The following TSC2 variants were observed in gnomAD, a reference collection of about 807,000 sequenced individuals.
TSC2 encodes the protein TSC complex subunit 2, also known as tuberin.
In TSC2, 29 loss-of-function variants were observed where a neutral mutation model predicts 202.2. That is an observed-to-expected ratio of 0.14 (90% CI 0.11 to 0.20). TSC2 has a LOEUF of 0.20. TSC2 is among the 10% of genes least tolerant of loss of function. The probability of loss-of-function intolerance (pLI) is 1.00; values close to 1 mark genes in which losing one functional copy is unlikely to be tolerated. For synonymous variants in TSC2, 1,349 were observed against 1,044.0 expected, an observed-to-expected ratio of 1.29 and a Z score of -5.63; for missense variants, 2,429 against 2,420.0, an observed-to-expected ratio of 1.00 and a Z score of -0.08.
rs45517356 is a variant in TSC2, at chr16:2,085,338, C to T, written c.4662+16C>T. 1.6e-5 allele frequency: 25 copies of T among 1,612,306 alleles called. No individual in the cohort carries two copies. The highest frequency in any genetic ancestry group is 2.7e-5 in the African/African-American group (2 of 75,042). ...AGAAGGCCAGGTGAGGCTGCGGGGC[C>T]GGCCTAGGTGCCTGGACAGGGCCAG... On this transcript the variant is annotated intron_variant, in intron 36 of 41. Transcript: ENST00000219476.
intron 16 of TSC2, 47 bp from the exon 17 acceptor site, chr16:2,070,409 G>A (rs774752994): frequency 6.2e-7 from 1 of 1,613,106 alleles, no homozygotes; most frequent in East Asian, 2.2e-5. Context: ...TCTTAGGACT[G>A]CGTTTTCACC....
At chr16:2,085,822 G>A (rs1226526969) in intron 36 of TSC2, among the ~76,000 whole-genome samples, 1 of 152,054 alleles carries the variant, frequency 6.6e-6, no homozygotes, top group Non-Finnish European at 1.5e-5. Flanking sequence ...TGAGCAGAGG[G>A]CACATGGCCT....
chr16:2,086,041 G>A (rs1416153870), intron 36 of TSC2, 152 bp from the exon 37 acceptor site: 5 of 891,472 alleles, frequency 5.6e-6, no homozygotes, highest in East Asian at 2.7e-5. Context: ...GACACCCGAT[G>A]TCTGGCCTGG....
chr16:2,062,959 T>C lies in TSC2; in HGVS notation c.1362-13T>C, dbSNP rs2151170217. The C allele has an allele frequency of 6.5e-7, 1 of 1,549,232 alleles. No homozygotes were observed. The highest frequency in any genetic ancestry group is 1.2e-5 in the South Asian group (1 of 84,008). The stretch of plus-strand genomic sequence containing the variant: ...GCACTCCCCACCCGCCCCAGCAGGC[T>C]GCCGTCCCGCAGGAGCGAGTCCCGA... On this transcript the variant is annotated splice_polypyrimidine_tract_variant and intron_variant, in intron 13 of 41. Transcript: ENST00000219476.
At chr16:2,081,979 C>A in intron 31 of TSC2, 181 bp downstream of exon 31, 1 of 886,374 alleles carries the variant, frequency 1.1e-6, no homozygotes, top group Non-Finnish European at 1.8e-6. Context: ...GGTGTCTGCC[C>A]TGCTCAGGAA....
chr16:2,084,329 G>A lies in TSC2; in HGVS notation c.4107G>A (p.Arg1369=), dbSNP rs201688447. ...IERVVSSEGG[R]PSVDLSFQPS... The stretch of plus-strand genomic sequence containing the variant: ...GAGTCGTCTCCTCGGAGGGTGGCCG[G>A]CCCTCTGTGGACCTCTCCTTCCAGC... The change falls in exon 34 of 42, where the codon CGG becomes CGA. Residue 1369 remains arginine, a synonymous_variant. Coordinates refer to ENST00000219476, the MANE Select transcript of TSC2 (RefSeq NM_000548.5). 2.6e-5 allele frequency: 42 copies of A among 1,612,694 alleles called. No individual in the cohort carries two copies. The highest frequency in any genetic ancestry group is 1.6e-4 in the Middle Eastern group (1 of 6,062).
chr16:2,078,854 TG>T, intron 26 of TSC2, 177 bp from the exon 27 acceptor site: 1 of 765,128 alleles, frequency 1.3e-6, no homozygotes, highest in Non-Finnish European at 2.2e-6. Context: ...CCCCGTTCTC[TG>T]GGACAATGTG....
At chr16:2,071,285 G>A (rs907341730) in intron 17 of TSC2, 6 of 610,990 alleles carry the variant, frequency 9.8e-6, no homozygotes, top group African/African-American at 7.3e-5. Flanking sequence ...GGGACACCAG[G>A]CTCTGTGAGC....
At chr16:2,084,905 C>T (rs897563156) in intron 34 of TSC2, 46 bp from the exon 35 acceptor site, 3 of 1,611,178 alleles carry the variant, frequency 1.9e-6, no homozygotes, top group Non-Finnish European at 2.5e-6. Flanking sequence ...TGTGGCTGCC[C>T]TGGCCAGGCC....
At position 2,074,335 on chromosome 16, in the gene TSC2, A is replaced by T. The variant is rs2151353949; in HGVS notation, c.2491A>T (p.Thr831Ser). The T allele has an allele frequency of 6.2e-7, 1 of 1,612,798 alleles. No homozygotes were observed. Among genetic ancestry groups the T allele is most frequent in the Non-Finnish European group, 8.5e-7 (1 of 1,180,028 alleles). Residue 831 changes from threonine (T) to serine (S), a missense_variant, in exon 22 of 42, where the codon ACG (threonine) becomes TCG (serine). Thr to Ser is a moderately conservative substitution (Grantham distance 58). Transcript: ENST00000219476. Reference protein sequence around the residue: ...KALPVLVVKLTHISATASMAV... With the variant: ...KALPVLVVKLSHISATASMAV... ...GCTGCCTGTTCTGGTGGTGAAGCTC[A>T]CGCACATCTCAGCCACAGCCAGCAT...
chr16:2,056,909 C>T, intron 8 of TSC2, 140 bp downstream of exon 8: 1 of 1,483,434 alleles, frequency 6.7e-7, no homozygotes, highest in Non-Finnish European at 9.3e-7. Flanking sequence ...TGTCATTTTC[C>T]CAGGCAGTTG....
chr16:2,065,473 C>G (rs754092028), intron 15 of TSC2, 46 bp from the exon 16 acceptor site: 5 of 1,241,692 alleles, frequency 4.0e-6, no homozygotes, highest in South Asian at 2.4e-5. Flanking sequence ...CGGCTGCTGA[C>G]TCAGAACCAT....
At chr16:2,048,415 A>G in intron 1 of TSC2, 172 bp from the exon 2 acceptor site, 2 of 911,626 alleles carry the variant, frequency 2.2e-6, no homozygotes, top group Admixed American at 2.1e-5. Flanking sequence ...GGGCTTTCCT[A>G]GGTGCCTGTT....
chr16:2,086,088 G>T, intron 36 of TSC2, 105 bp from the exon 37 acceptor site: 2 of 1,358,058 alleles, frequency 1.5e-6, no homozygotes, highest in Admixed American at 1.8e-5. Flanking sequence ...CTGCCTCAGG[G>T]ATCAGAGTGG....
rs1248857340 is a variant in TSC2 at position 2,062,607 on chromosome 16, G to T, written c.1361+7G>T. 6.2e-7 allele frequency: 1 copy of T among 1,601,018 alleles called. No homozygotes were observed. Among genetic ancestry groups the T allele is most frequent in the Non-Finnish European group, 8.5e-7 (1 of 1,173,418 alleles). ...TGATGGAGAGATTCTTCAGGTAGGG[G>T]GTCCTCTGTAGCCTTGCCTGGCACC... is the stretch of plus-strand genomic sequence containing the variant. On this transcript the variant is annotated splice_region_variant and intron_variant, in intron 13 of 41. Transcript: ENST00000219476.
chr16:2,083,876 G>A (rs1161275526), intron 33 of TSC2, 60 bp downstream of exon 33: 3 of 1,567,580 alleles, frequency 1.9e-6, no homozygotes, highest in Non-Finnish European at 2.6e-6. Context: ...GGGGAGGCAG[G>A]GCTCTGCGTG....
chr16:2,066,311 G>C (rs1275322537), intron 16 of TSC2: 1 of 152,830 alleles, frequency 6.5e-6, no homozygotes, highest in Non-Finnish European at 1.5e-5. Flanking sequence ...CATGTGTCCA[G>C]GCCCGTCCAG....
chr16:2,060,727 C>T lies in TSC2; in HGVS notation c.1033C>T (p.Leu345Phe), dbSNP rs397515146. 3.1e-6 allele frequency: 5 copies of T among 1,614,012 alleles called. No homozygotes were observed. In the East Asian group the frequency reaches 6.7e-5, roughly 22 times the overall value. The change falls in exon 11 of 42, where the codon CTC (leucine) becomes TTC (phenylalanine). Residue 345 changes from leucine (L) to phenylalanine (F), a missense_variant. Coordinates refer to ENST00000219476, the MANE Select transcript of TSC2 (RefSeq NM_000548.5). ...SYEIVLSITR[L>F]IKKYRKELQV... ...TGAGATCGTCCTGTCCATCACCAGGCTCATCAAGAAGTATAGGAAGGAGCT... is the reference window on the plus strand; with the variant it reads ...TGAGATCGTCCTGTCCATCACCAGGTTCATCAAGAAGTATAGGAAGGAGCT...
In TSC2 at chr16:2,079,786, G is replaced by A. The variant is rs554746760; in HGVS notation, c.3397+117G>A. On this transcript the variant is annotated intron_variant, in intron 29 of 41. Transcript: ENST00000219476. The surrounding 1 kb of genome is among the most constrained non-coding windows in gnomAD (Gnocchi z 4.6). ...GCCGGGGTGGCTGGCTTCAGGCCCG[G>A]CCCACGTCCTGACTCTGGGGTGAGC... 1.1e-5 allele frequency: 11 copies of A among 1,028,570 alleles called. No homozygotes were observed. In the East Asian group the frequency reaches 2.1e-4, roughly 19 times the overall value. The allele number at this position is 1,028,570 out of a possible 1,614,324, so 63.7% of individuals were successfully genotyped here. A position where few individuals can be genotyped will look rare whatever the true frequency, so the allele number is the denominator to read the frequency against.
Sources: allele counts gnomAD v4.1 joint callset (sites outside exome capture counted in the v4.1 genomes callset), GRCh38; gene constraint gnomAD v4.1.1; non-coding constraint Gnocchi (gnomAD v3.1); transcripts MANE v1.5; gene names NCBI Gene and HGNC (gene_info 2026-07-23, HGNC 2026-07-21).